DAGLA: variants seen among roughly 807,000 people sequenced by gnomAD.
DAGLA encodes the protein diacylglycerol lipase alpha.
Under a neutral mutation model 102.6 loss-of-function variants are expected in DAGLA, and 22 were observed. The ratio of observed to expected loss-of-function variants is 0.21; its 90% CI spans 0.15 to 0.31. The LOEUF (loss-of-function observed/expected upper bound fraction) is 0.31, where lower values mean the gene tolerates loss of function less well. Among genes scored for constraint, DAGLA ranks in the 10% least tolerant of loss-of-function variants. The probability of loss-of-function intolerance (pLI) is 1.00; values close to 1 mark genes in which losing one functional copy is unlikely to be tolerated. For synonymous variants in DAGLA, 578 were observed against 628.9 expected, an observed-to-expected ratio of 0.92 and a Z score of 1.21; for missense variants, 927 against 1,446.6, an observed-to-expected ratio of 0.64 and a Z score of 5.83.
chr11:61,729,842 G>A (rs1248018703), intron 8 of DAGLA, among the ~76,000 whole-genome samples: 2 of 151,972 alleles, frequency 1.3e-5, no homozygotes, highest in Non-Finnish European at 2.9e-5. Context: ...GGAGGCCGAG[G>A]TGGGAGGATT....
At chr11:61,704,182 C>T (rs942392688) in intron 1 of DAGLA, among the ~76,000 whole-genome samples, 1 of 150,952 alleles carries the variant, frequency 6.6e-6, no homozygotes, top group Admixed American at 6.6e-5. Context: ...TGCAATGGCA[C>T]GATCTCGGCT....
Position 61,746,509 on chromosome 11 carries a change from A to T in DAGLA, c.*2020A>T, listed in dbSNP as rs1301033691. On this transcript the variant is annotated 3_prime_UTR_variant, in exon 20 of 20. Coordinates refer to ENST00000257215, the MANE Select transcript of DAGLA (RefSeq NM_006133.3). The stretch of plus-strand genomic sequence containing the variant: ...CATCAGGGACAGACCCCCCACCCCC[A>T]AGGCTGCAGCCACACCATGTTTCAG... 6.6e-6 allele frequency: 1 copy of T among 152,492 alleles called. No individual in the cohort carries two copies. The highest frequency in any genetic ancestry group is 2.4e-5 in the African/African-American group (1 of 41,426). 9.4% of individuals were successfully genotyped at this position (152,492 alleles called of 1,614,324 possible).
rs368160089 is a variant in DAGLA, at chr11:61,741,270, C to T, written c.2092C>T (p.Pro698Ser). The change falls in exon 19 of 20, where the codon CCA (proline) becomes TCA (serine). Residue 698 changes from proline (P) to serine (S), a missense_variant. Physicochemically the swap from Pro to Ser is moderately conservative, Grantham distance 74. Around this residue, in one of 4 missense-constraint regions of DAGLA, gnomAD observed 434 missense variants for 503.3 expected, o/e 0.86. Transcript: ENST00000257215. ...LTPELIFQQQ[P>S]LPTGPPMPTG... Reference sequence around the variant, plus strand: ...TCCTGAGCTCATCTTCCAGCAGCAGCCACTCCCCACGGGGCCGCCCATGCC... The same window carrying T: ...TCCTGAGCTCATCTTCCAGCAGCAGTCACTCCCCACGGGGCCGCCCATGCC... 3.7e-6 allele frequency: 6 copies of T among 1,613,132 alleles called. No homozygotes were observed. The highest frequency in any genetic ancestry group is 5.1e-6 in the Non-Finnish European group (6 of 1,180,028).
At chr11:61,699,687 G>A (rs1454073615) in intron 1 of DAGLA, among the ~76,000 whole-genome samples, 2 of 152,332 alleles carry the variant, frequency 1.3e-5, no homozygotes, top group South Asian at 2.1e-4. Flanking sequence ...AGGCCCCTCC[G>A]GGGAGTACAG....
At position 61,689,015 on chromosome 11, in the gene DAGLA, G is replaced by A. The variant is rs547105326; in HGVS notation, c.-45+8511G>A. ...GGACTTGTGGGTGGGGGCAAGGCATGCCTGCCATCGCTCATTGGAAATTGT... is the reference window on the plus strand; with the variant it reads ...GGACTTGTGGGTGGGGGCAAGGCATACCTGCCATCGCTCATTGGAAATTGT... On this transcript the variant is annotated intron_variant, in intron 1 of 19. Coordinates refer to ENST00000257215, the MANE Select transcript of DAGLA (RefSeq NM_006133.3). Among the ~76,000 whole-genome samples, 316 of 152,392 alleles carry A rather than the reference G, an allele frequency of 2.1e-3. 6 individuals are homozygous for A. In the South Asian group the frequency reaches 0.03, roughly 14 times the overall value.
chr11:61,743,712 G>C lies in DAGLA; in HGVS notation c.2352G>C (p.Ser784=), dbSNP rs201183027. Residue 784 remains serine, a synonymous_variant, in exon 20 of 20, where the codon TCG becomes TCC. Transcript: ENST00000257215. Reference sequence around the variant, plus strand: ...CACTGGCCACCATGGAGAGCCTCTCGGACACTGAGTCCCTGTACAGCTTCG... The same window carrying C: ...CACTGGCCACCATGGAGAGCCTCTCCGACACTGAGTCCCTGTACAGCTTCG... ...RAPLATMESL[S]DTESLYSFDS... 10 of 1,607,754 alleles carry C rather than the reference G, an allele frequency of 6.2e-6. No homozygotes were observed. The African/African-American group carries it at 1.3e-4, about 21-fold the overall frequency.
intron 19 of DAGLA, among the ~76,000 whole-genome samples, chr11:61,743,046 G>A (rs1481115008): frequency 6.6e-6 from 1 of 152,084 alleles, no homozygotes; most frequent in Non-Finnish European, 1.5e-5. Flanking sequence ...TTCTATCTTG[G>A]GTTCTTGTGA....
At position 61,684,230 on chromosome 11, in the gene DAGLA, C is replaced by T. The variant is rs917190100; in HGVS notation, c.-45+3726C>T. On this transcript the variant is annotated intron_variant, in intron 1 of 19. Coordinates refer to ENST00000257215, the MANE Select transcript of DAGLA (RefSeq NM_006133.3). This position sits in a 1 kb window ranked among gnomAD's most constrained non-coding sequence, Gnocchi z 4.5. ...TCACTCTGTGATTTCAATTTCTCAC[C>T]GGAATAGCTTTACATTACACTCCAG... 2.6e-5 allele frequency among the ~76,000 whole-genome samples: 4 copies of T among 152,156 alleles called. No homozygotes were observed. The highest frequency in any genetic ancestry group is 7.2e-5 in the African/African-American group (3 of 41,444).
intron 7 of DAGLA, 137 bp downstream of exon 7, chr11:61,728,424 A>AG: frequency 9.1e-7 from 1 of 1,101,458 alleles, no homozygotes; most frequent in Non-Finnish European, 1.3e-6. Context: ...TGGACCCTGG[A>AG]GGTCACCTTT....
intron 2 of DAGLA, 27 bp downstream of exon 2, chr11:61,720,277 G>T: frequency 6.2e-7 from 1 of 1,605,916 alleles, no homozygotes; most frequent in Non-Finnish European, 8.5e-7. Context: ...GGGGCCACAG[G>T]CCTGGGTTTG....
intron 18 of DAGLA, 32 bp downstream of exon 18, chr11:61,740,624 G>A (rs764227745): frequency 6.2e-7 from 1 of 1,607,754 alleles, no homozygotes; most frequent in South Asian, 1.1e-5. Context: ...TACCACCAGG[G>A]AATAAGGCAC....
chr11:61,721,948 G>T (rs754647841), intron 3 of DAGLA, among the ~76,000 whole-genome samples: 1 of 152,230 alleles, frequency 6.6e-6, no homozygotes, highest in South Asian at 2.1e-4. Context: ...ACTGCTGCCC[G>T]TGCAGCTGGG....
intron 1 of DAGLA, among the ~76,000 whole-genome samples, chr11:61,695,079 C>G (rs559096228): frequency 6.6e-6 from 1 of 152,162 alleles, no homozygotes; most frequent in Non-Finnish European, 1.5e-5. Flanking sequence ...CCCAGGGAGC[C>G]TGCAGAAACT....
chr11:61,708,804 A>C (rs2065171435), intron 1 of DAGLA, among the ~76,000 whole-genome samples: 1 of 151,886 alleles, frequency 6.6e-6, no homozygotes, highest in Non-Finnish European at 1.5e-5. Context: ...GAAGGTCACA[A>C]CTCTGTGGCC....
chr11:61,736,710 G>A (rs438274), intron 13 of DAGLA, among the ~76,000 whole-genome samples: 35,497 of 152,058 alleles, frequency 0.23, 5,347 homozygotes, highest in Non-Finnish European at 0.34. Flanking sequence ...TACCTAGGGG[G>A]GAACTGAGTC....
chr11:61,731,274 AG>A, intron 8 of DAGLA, 42 bp from the exon 9 acceptor site: 1 of 1,608,746 alleles, frequency 6.2e-7, no homozygotes, highest in Non-Finnish European at 8.5e-7. Context: ...GGCTGTAGGC[AG>A]GAAGGGCAGG....
chr11:61,684,041 G>A lies in DAGLA; in HGVS notation c.-45+3537G>A, dbSNP rs996838673. ...CTGGCTGCTGTGCTTTAGGGGTGCCGGGGAGCCAGGCATCTGTGGCCAGAG... is the reference window on the plus strand; with the variant it reads ...CTGGCTGCTGTGCTTTAGGGGTGCCAGGGAGCCAGGCATCTGTGGCCAGAG... On this transcript the variant is annotated intron_variant, in intron 1 of 19. Transcript: ENST00000257215. The surrounding 1 kb of genome is among the most constrained non-coding windows in gnomAD (Gnocchi z 4.5). 1.3e-5 allele frequency among the ~76,000 whole-genome samples: 2 copies of A among 152,186 alleles called. No homozygotes were observed. Among genetic ancestry groups the A allele is most frequent in the African/African-American group, 4.8e-5 (2 of 41,430 alleles).
chr11:61,739,728 C>A, intron 17 of DAGLA, 67 bp downstream of exon 17: 1 of 1,510,514 alleles, frequency 6.6e-7, no homozygotes, highest in Non-Finnish European at 8.9e-7. Context: ...GAGAGCAGGG[C>A]CGGCCTTGGC....
chr11:61,717,224 A>G (rs987935083), intron 1 of DAGLA, among the ~76,000 whole-genome samples: 5 of 152,280 alleles, frequency 3.3e-5, no homozygotes, highest in Non-Finnish European at 7.4e-5. Flanking sequence ...CCAGCAGGGG[A>G]ACAGGCCCTT....
Sources: allele counts gnomAD v4.1 joint callset (sites outside exome capture counted in the v4.1 genomes callset), GRCh38; gene constraint gnomAD v4.1.1; regional missense constraint gnomAD v4.1.1; non-coding constraint Gnocchi (gnomAD v3.1); transcripts MANE v1.5; gene names NCBI Gene and HGNC (gene_info 2026-07-23, HGNC 2026-07-21).